The following RFX7 variants were observed in gnomAD, a reference collection of about 807,000 sequenced individuals.
RFX7 encodes DNA-binding protein RFX7.
A neutral mutation model predicts 111.8 loss-of-function variants in RFX7; 26 were observed. The observed-to-expected ratio is 0.23, with a 90% CI of 0.17 to 0.32. The LOEUF is 0.32. Among genes scored for constraint, RFX7 ranks in the 10% least tolerant of loss-of-function variants. The pLI, the probability that RFX7 is intolerant of heterozygous loss-of-function variation, is 1.00. For synonymous variants in RFX7, 624 were observed against 624.4 expected (o/e 1.00, Z 0.01); for missense variants, 1,573 against 1,772.9 (o/e 0.89, Z 2.02).
rs2043196935 is a variant in RFX7, at chr15:56,201,953, C to A, written c.162-22650G>T. The stretch of plus-strand genomic sequence containing the variant: ...GGCTGAGGCAGGAGAGTGGCATGAA[C>A]CTGGGAGGCAGAGCTTGCAGTGAGC... On this transcript the variant is annotated intron_variant, in intron 2 of 9. Coordinates refer to ENST00000559447, the MANE Select transcript of RFX7 (RefSeq NM_022841.7). Among the ~76,000 whole-genome samples the A allele has an allele frequency of 2.0e-5, 3 of 152,180 alleles. No individual in the cohort carries two copies. The South Asian group carries it at 6.2e-4, about 32-fold the overall frequency.
Position 56,130,335 on chromosome 15 carries a change from C to T in RFX7, c.401+12443G>A, listed in dbSNP as rs918772095. On this transcript the variant is annotated intron_variant, in intron 5 of 9. Transcript: ENST00000559447. ...TCAATAAAAATATCAGAAACTAAGCCCCATTCTCTGACCACAATTTAATAA... is the reference window on the plus strand; with the variant it reads ...TCAATAAAAATATCAGAAACTAAGCTCCATTCTCTGACCACAATTTAATAA... Among the ~76,000 whole-genome samples, 5 of 151,828 alleles carry T rather than the reference C, an allele frequency of 3.3e-5. No individual in the cohort carries two copies. In the South Asian group the frequency reaches 1.0e-3, roughly 32 times the overall value.
intron 5 of RFX7, among the ~76,000 whole-genome samples, chr15:56,126,316 C>G (rs1295844601): frequency 6.6e-6 from 1 of 152,164 alleles, no homozygotes; most frequent in African/African-American, 2.4e-5. Context: ...TTAACTTGCC[C>G]TAGTCTGATC....
In RFX7 at chr15:56,087,408, A is replaced by G; in HGVS notation, c.*5937T>C. The G allele has an allele frequency of 2.0e-5, 9 of 456,640 alleles. 1 individual carries two copies. Among genetic ancestry groups the G allele is most frequent in the South Asian group, 1.4e-4 (9 of 64,558 alleles). The allele number at this position is 456,640 out of a possible 1,614,324, so 28.3% of individuals were successfully genotyped here. ...CTGGGCTCCTTGTATCTTGTTGCTC[A>G]ATCATCCTCAGCATGTGTCTTTAAC... On this transcript the variant is annotated 3_prime_UTR_variant, in exon 10 of 10. Transcript: ENST00000559447.
At chr15:56,219,978 C>G (rs1347641579) in intron 2 of RFX7, among the ~76,000 whole-genome samples, 1 of 152,174 alleles carries the variant, frequency 6.6e-6, no homozygotes, top group East Asian at 1.9e-4. Flanking sequence ...ATTTATACTT[C>G]CACTAGCAGT....
At chr15:56,154,322 A>C (rs1427331431) in intron 3 of RFX7, among the ~76,000 whole-genome samples, 2 of 152,222 alleles carry the variant, frequency 1.3e-5, no homozygotes, top group Non-Finnish European at 2.9e-5. Flanking sequence ...CCGCATAGCC[A>C]AGACAATCCG....
At position 56,098,076 on chromosome 15, in the gene RFX7, A is replaced by G. The variant is rs1226713137; in HGVS notation, c.1107+5T>C. The G allele has an allele frequency of 1.2e-6, 2 of 1,611,038 alleles. No homozygotes were observed. Among genetic ancestry groups the G allele is most frequent in the Non-Finnish European group, 1.7e-6 (2 of 1,178,408 alleles). On this transcript the variant is annotated splice_donor_5th_base_variant and intron_variant, in intron 9 of 9. Coordinates refer to ENST00000559447, the MANE Select transcript of RFX7 (RefSeq NM_022841.7). ...ATAAGGCCAAATACTATTTAATTAT[A>G]TTACCGGAATGGGACTAGGGACAGC...
intron 5 of RFX7, among the ~76,000 whole-genome samples, chr15:56,109,178 T>A (rs951744532): frequency 2.0e-5 from 3 of 152,212 alleles, no homozygotes; most frequent in African/African-American, 7.2e-5. Context: ...GCCGAGTGCC[T>A]GCGATTGCAG....
intron 3 of RFX7, among the ~76,000 whole-genome samples, chr15:56,174,783 A>T (rs1298628300): frequency 2.0e-5 from 3 of 149,916 alleles, no homozygotes; most frequent in East Asian, 2.0e-4. Context: ...CTATGATTTT[A>T]AAAAAAAAAC....
intron 5 of RFX7, among the ~76,000 whole-genome samples, chr15:56,115,960 T>A (rs1306540461): frequency 1.3e-5 from 2 of 150,710 alleles, no homozygotes; most frequent in African/African-American, 4.9e-5. Flanking sequence ...AAAAAAAAAA[T>A]TTAACTGCAT....
intron 2 of RFX7, among the ~76,000 whole-genome samples, chr15:56,184,645 T>G (rs879532124): frequency 6.8e-6 from 1 of 148,008 alleles, no homozygotes; most frequent in African/African-American, 2.4e-5. Flanking sequence ...TTAAGGCTTT[T>G]GTTCTTCTGT....
intron 3 of RFX7, among the ~76,000 whole-genome samples, chr15:56,164,917 A>T (rs2042765431): frequency 6.6e-6 from 1 of 152,206 alleles, no homozygotes; most frequent in Non-Finnish European, 1.5e-5. Flanking sequence ...AGAAAGAAAA[A>T]GTCTTTTAAA....
At chr15:56,098,431 G>C (rs1050971034) in intron 8 of RFX7, 55 bp from the exon 9 acceptor site, 5 of 1,491,774 alleles carry the variant, frequency 3.4e-6, no homozygotes, top group Non-Finnish European at 4.5e-6. Context: ...ATAGAAGGGA[G>C]GTTCCTTTGA....
chr15:56,141,675 A>ATATATATATG (rs1567024632), intron 5 of RFX7, among the ~76,000 whole-genome samples: 1 of 137,368 alleles, frequency 7.3e-6, no homozygotes, highest in African/African-American at 2.9e-5. Flanking sequence ...ATATATATAT[A>ATATATATATG]TGCATATATG....
intron 5 of RFX7, among the ~76,000 whole-genome samples, chr15:56,137,729 C>T (rs1231475226): frequency 2.6e-5 from 4 of 151,976 alleles, no homozygotes; most frequent in Non-Finnish European, 5.9e-5. Flanking sequence ...TTAGATCTTT[C>T]CTGCATTCTC....
At chr15:56,216,390 T>C (rs1186762882) in intron 2 of RFX7, among the ~76,000 whole-genome samples, 2 of 152,238 alleles carry the variant, frequency 1.3e-5, no homozygotes, top group Non-Finnish European at 2.9e-5. Flanking sequence ...GCATCCATTG[T>C]ATTCAAGTTT....
At chr15:56,165,063 T>C (rs2042767232) in intron 3 of RFX7, among the ~76,000 whole-genome samples, 1 of 152,162 alleles carries the variant, frequency 6.6e-6, no homozygotes, top group African/African-American at 2.4e-5. Flanking sequence ...AGTTAGATTT[T>C]CATAAGGCAC....
chr15:56,147,749 A>C (rs2042501646), intron 3 of RFX7, among the ~76,000 whole-genome samples: 1 of 152,034 alleles, frequency 6.6e-6, no homozygotes, highest in Admixed American at 6.5e-5. Flanking sequence ...AATTTTTTGC[A>C]TTTTTAGTAG....
At chr15:56,142,926 C>T (rs1478952487) in intron 4 of RFX7, 26 bp from the exon 5 acceptor site, 1 of 1,611,036 alleles carries the variant, frequency 6.2e-7, no homozygotes, top group South Asian at 1.1e-5. Context: ...CATGTTTTAG[C>T]TGACCAGACA....
chr15:56,209,111 A>T (rs1280456661), intron 2 of RFX7, among the ~76,000 whole-genome samples: 1 of 152,088 alleles, frequency 6.6e-6, no homozygotes, highest in Non-Finnish European at 1.5e-5. Context: ...AAACAAAAAA[A>T]CTATACTTAG....
Sources: gnomAD v4.1 joint callset for allele counts (sites outside exome capture counted in the v4.1 genomes callset) on GRCh38, gnomAD v4.1.1 for gene constraint, MANE v1.5 for transcripts, NCBI Gene and HGNC (gene_info 2026-07-23, HGNC 2026-07-21) for gene names.